NKAIN2: variants seen among roughly 807,000 people sequenced by gnomAD.
NKAIN2 encodes the protein sodium/potassium-transporting ATPase subunit beta-1-interacting protein 2.
Under a neutral mutation model 32.6 loss-of-function variants are expected in NKAIN2, and 14 were observed. The observed-to-expected ratio is 0.43, with a 90% CI of 0.28 to 0.67. NKAIN2 has a LOEUF of 0.67. Ranked by LOEUF, NKAIN2 falls within the 30% of genes least tolerant of loss-of-function variation. The pLI is 0.17. For missense variants in NKAIN2, 198 were observed against 258.3 expected, an observed-to-expected ratio of 0.77 and a Z score of 1.60; for synonymous variants, 80 against 87.2, an observed-to-expected ratio of 0.92 and a Z score of 0.46.
intron 1 of NKAIN2, among the ~76,000 whole-genome samples, chr6:124,273,370 G>A (rs1049054769): frequency 2.6e-5 from 4 of 152,012 alleles, no homozygotes; most frequent in African/African-American, 9.7e-5. Context: ...CTCTCCTGCT[G>A]CCATGTAAGA....
At chr6:124,598,081 G>A (rs916281069) in intron 3 of NKAIN2, among the ~76,000 whole-genome samples, 7 of 152,064 alleles carry the variant, frequency 4.6e-5, no homozygotes, top group Non-Finnish European at 8.8e-5. Flanking sequence ...TCAAGCATAA[G>A]TTCATTTCAA....
intron 1 of NKAIN2, among the ~76,000 whole-genome samples, chr6:123,923,375 G>A (rs1582786351): frequency 6.6e-6 from 1 of 151,350 alleles, no homozygotes. Context: ...TGGCAGGAGT[G>A]GGGGATTGAT....
At chr6:124,084,240 C>T (rs1356385630) in intron 1 of NKAIN2, among the ~76,000 whole-genome samples, 1 of 151,896 alleles carries the variant, frequency 6.6e-6, no homozygotes, top group Non-Finnish European at 1.5e-5. Flanking sequence ...TCATGTATTG[C>T]CATCTACCAC....
chr6:124,284,677 T>C (rs183784314), intron 2 of NKAIN2, among the ~76,000 whole-genome samples: 2 of 152,156 alleles, frequency 1.3e-5, no homozygotes, highest in East Asian at 3.9e-4. Flanking sequence ...GAGGTTAATT[T>C]TGAGGACTAA....
intron 1 of NKAIN2, among the ~76,000 whole-genome samples, chr6:124,188,962 T>A (rs551098216): frequency 1.3e-5 from 2 of 152,276 alleles, no homozygotes; most frequent in African/African-American, 4.8e-5. Flanking sequence ...CTGAGCAAAT[T>A]TGAAAAATAA....
chr6:123,938,868 G>A (rs960501741), intron 1 of NKAIN2, among the ~76,000 whole-genome samples: 1 of 151,566 alleles, frequency 6.6e-6, no homozygotes, highest in South Asian at 2.1e-4. Flanking sequence ...CCATATGGTG[G>A]GTTAGTTCTT....
chr6:124,207,091 G>C (rs1035529408), intron 1 of NKAIN2, among the ~76,000 whole-genome samples: 2 of 151,538 alleles, frequency 1.3e-5, no homozygotes, highest in Admixed American at 1.3e-4. Context: ...TGCCCAGTAA[G>C]TGTTTTCTGA....
intron 1 of NKAIN2, among the ~76,000 whole-genome samples, chr6:124,087,478 T>C (rs1257593164): frequency 2.0e-5 from 3 of 151,662 alleles, no homozygotes; most frequent in Non-Finnish European, 2.9e-5. Flanking sequence ...AAGGAAGAAA[T>C]GAAACTTCAC....
At chr6:124,229,501 C>CAGACAGAT (rs1554269615) in intron 1 of NKAIN2, among the ~76,000 whole-genome samples, 1,721 of 142,964 alleles carry the variant, frequency 0.012, 21 homozygotes, top group Non-Finnish European at 0.019. Context: ...GATAGATAGA[C>CAGACAGAT]AGATAGATAG....
In NKAIN2 at chr6:123,964,080, A is replaced by T. The variant is rs906534909; in HGVS notation, c.54+159826A>T. Among the ~76,000 whole-genome samples the T allele has an allele frequency of 2.0e-5, 3 of 152,186 alleles. No individual in the cohort carries two copies. The highest frequency in any genetic ancestry group is 4.8e-5 in the African/African-American group (2 of 41,448). On this transcript the variant is annotated intron_variant, in intron 1 of 6. Transcript: ENST00000368417. This position sits in a 1 kb window ranked among gnomAD's most constrained non-coding sequence, Gnocchi z 4.0. Reference sequence around the variant, plus strand: ...ATGAATCCTTGTTCAGGAACACAACATCCAATTACAAAATTACTCCTAGGG... The same window carrying T: ...ATGAATCCTTGTTCAGGAACACAACTTCCAATTACAAAATTACTCCTAGGG...
chr6:124,252,583 G>C (rs536479281), intron 1 of NKAIN2, among the ~76,000 whole-genome samples: 4 of 152,128 alleles, frequency 2.6e-5, no homozygotes, highest in South Asian at 2.1e-4. Flanking sequence ...TGTATAACAT[G>C]CATAACATAA....
At chr6:124,653,492 T>G (rs1784438540) in intron 3 of NKAIN2, among the ~76,000 whole-genome samples, 2 of 147,720 alleles carry the variant, frequency 1.4e-5, no homozygotes, top group Non-Finnish European at 3.0e-5. Context: ...CTTGTGTCCT[T>G]GACAAAAATT....
chr6:124,357,045 C>G lies in NKAIN2; in HGVS notation c.273+1698C>G, dbSNP rs534119922. ...AGGCACAGAATAAAGCTGGTGATTT[C>G]ATGACCTCAGACACAGGCATTGAAA... On this transcript the variant is annotated intron_variant, in intron 3 of 6. Coordinates refer to ENST00000368417, the MANE Select transcript of NKAIN2 (RefSeq NM_001040214.3). Among the ~76,000 whole-genome samples the G allele has an allele frequency of 2.1e-3, 318 of 152,246 alleles. 1 individual carries two copies. The highest frequency in any genetic ancestry group is 3.6e-3 in the Non-Finnish European group (248 of 68,024).
intron 3 of NKAIN2, among the ~76,000 whole-genome samples, chr6:124,471,485 C>A (rs1259397483): frequency 1.3e-5 from 2 of 152,116 alleles, no homozygotes. Flanking sequence ...CAAAGACAGA[C>A]ATAGTCTCAA....
In NKAIN2 at chr6:123,869,921, C is replaced by T. The variant is rs558979090; in HGVS notation, c.54+65667C>T. 2.6e-3 allele frequency among the ~76,000 whole-genome samples: 390 copies of T among 152,244 alleles called. 1 individual carries two copies. Among genetic ancestry groups the T allele is most frequent in the African/African-American group, 9.0e-3 (372 of 41,548 alleles). On this transcript the variant is annotated intron_variant, in intron 1 of 6. Coordinates refer to ENST00000368417, the MANE Select transcript of NKAIN2 (RefSeq NM_001040214.3). ...TCTAAATGGACTTGTGCCTGATTTT[C>T]CACAAAAGTCTTTCCTCCATGCTGT...
At chr6:124,716,406 T>C (rs1311810042) in intron 4 of NKAIN2, among the ~76,000 whole-genome samples, 1 of 152,120 alleles carries the variant, frequency 6.6e-6, no homozygotes, top group Admixed American at 6.5e-5. Flanking sequence ...ATGGAGAGCA[T>C]AAAAACAGCC....
chr6:123,844,216 T>G (rs1775001208), intron 1 of NKAIN2, among the ~76,000 whole-genome samples: 1 of 152,086 alleles, frequency 6.6e-6, no homozygotes, highest in African/African-American at 2.4e-5. Flanking sequence ...GTCCTAAAGA[T>G]AAAGAGGAGT....
chr6:124,236,138 T>G (rs1792746258), intron 1 of NKAIN2, among the ~76,000 whole-genome samples: 1 of 152,136 alleles, frequency 6.6e-6, no homozygotes, highest in African/African-American at 2.4e-5. Flanking sequence ...TCTGAGTGAA[T>G]GGGTTAACTC....
chr6:124,223,465 G>A (rs1281816924), intron 1 of NKAIN2, among the ~76,000 whole-genome samples: 1 of 151,938 alleles, frequency 6.6e-6, no homozygotes, highest in Admixed American at 6.6e-5. Context: ...TCTACCATTG[G>A]GTGTCTTTTC....
Sources: allele counts gnomAD v4.1 joint callset (sites outside exome capture counted in the v4.1 genomes callset), GRCh38; gene constraint gnomAD v4.1.1; non-coding constraint Gnocchi (gnomAD v3.1); transcripts MANE v1.5; gene names NCBI Gene and HGNC (gene_info 2026-07-23, HGNC 2026-07-21).